The following STARD13 variants were observed in gnomAD, a reference collection of about 807,000 sequenced individuals.
STARD13 encodes the protein stAR-related lipid transfer protein 13.
A neutral mutation model predicts 106.4 loss-of-function variants in STARD13; 62 were observed. That is an observed-to-expected ratio of 0.58 (90% CI 0.48 to 0.72). The LOEUF (loss-of-function observed/expected upper bound fraction) is 0.72, where lower values mean the gene tolerates loss of function less well. STARD13 is among the 30% of genes least tolerant of loss of function. STARD13 has a pLI of 0.00. For synonymous variants in STARD13, 565 were observed against 553.0 expected (o/e 1.02, Z -0.31); for missense variants, 1,387 against 1,424.0 (o/e 0.97, Z 0.42).
At chr13:33,231,939 T>C (rs1475083451) in intron 1 of STARD13, among the ~76,000 whole-genome samples, 1 of 152,208 alleles carries the variant, frequency 6.6e-6, no homozygotes, top group Non-Finnish European at 1.5e-5. Flanking sequence ...AATGGCATAG[T>C]ATTTGCATGT....
chr13:33,630,523 T>C, the STARD13 span, among the ~76,000 whole-genome samples: 3,353 of 152,296 alleles, frequency 0.022, 118 homozygotes, highest in African/African-American at 0.074. Context: ...AGATTCAACG[T>C]AGTCACTCTG....
chr13:33,542,348 GT>G, the STARD13 span, among the ~76,000 whole-genome samples: 1 of 152,208 alleles, frequency 6.6e-6, no homozygotes, highest in Non-Finnish European at 1.5e-5. Flanking sequence ...TACAGATCCA[GT>G]TTTACCTCTT....
chr13:33,159,978 A>C (rs1207117760), intron 3 of STARD13, among the ~76,000 whole-genome samples: 3 of 152,214 alleles, frequency 2.0e-5, no homozygotes, highest in African/African-American at 7.2e-5. Flanking sequence ...AATATCAATA[A>C]ACTGTTTGTA....
chr13:33,518,728 C>T, the STARD13 span, among the ~76,000 whole-genome samples: 1 of 152,088 alleles, frequency 6.6e-6, no homozygotes, highest in Non-Finnish European at 1.5e-5. Context: ...TGTGTAATCA[C>T]TAAAGAACCT....
chr13:33,370,022 T>C, the STARD13 span, among the ~76,000 whole-genome samples: 1 of 152,240 alleles, frequency 6.6e-6, no homozygotes, highest in Non-Finnish European at 1.5e-5. Flanking sequence ...TTATCCTAGA[T>C]GTTTTCCAGT....
chr13:33,561,567 G>A, the STARD13 span, among the ~76,000 whole-genome samples: 3 of 151,352 alleles, frequency 2.0e-5, no homozygotes, highest in African/African-American at 7.4e-5. Flanking sequence ...TTAAAGATCT[G>A]TGCCAGTGTA....
At chr13:33,329,198 C>A (rs1822364634) in intron 1 of STARD13, among the ~76,000 whole-genome samples, 1 of 152,060 alleles carries the variant, frequency 6.6e-6, no homozygotes, top group African/African-American at 2.4e-5. Context: ...ACTATGTACC[C>A]CTAAAATCAT....
the STARD13 span, among the ~76,000 whole-genome samples, chr13:33,572,695 A>T: frequency 6.6e-6 from 1 of 152,174 alleles, no homozygotes; most frequent in Non-Finnish European, 1.5e-5. Context: ...GATTCAACCA[A>T]CCATAAAAAT....
At chr13:33,610,635 C>T in the STARD13 span, among the ~76,000 whole-genome samples, 1 of 152,238 alleles carries the variant, frequency 6.6e-6, no homozygotes, top group Non-Finnish European at 1.5e-5. Context: ...AGAGGTCAGC[C>T]TGGGGCCACC....
At chr13:33,213,557 G>A (rs1887847557) in intron 1 of STARD13, among the ~76,000 whole-genome samples, 1 of 152,202 alleles carries the variant, frequency 6.6e-6, no homozygotes, top group Non-Finnish European at 1.5e-5. Flanking sequence ...CTCTCTCGAG[G>A]TAGAGAAAGT....
At chr13:33,295,906 A>G (rs1487713115) in intron 1 of STARD13, among the ~76,000 whole-genome samples, 2 of 151,868 alleles carry the variant, frequency 1.3e-5, no homozygotes, top group African/African-American at 2.4e-5. Context: ...AATAAGACAG[A>G]TTAGTATTCA....
intron 3 of STARD13, among the ~76,000 whole-genome samples, chr13:33,163,688 TATATATATAACATATATATAAAAC>T (rs1385059802): frequency 8.4e-5 from 10 of 118,844 alleles, no homozygotes; most frequent in African/African-American, 3.6e-4. Flanking sequence ...ATAAAACATA[TATATATATAACATATATATAAAAC>T]ATATATATAA....
chr13:33,396,695 C>A, the STARD13 span, among the ~76,000 whole-genome samples: 1 of 152,192 alleles, frequency 6.6e-6, no homozygotes, highest in Admixed American at 6.5e-5. Context: ...ATATCTGATT[C>A]TACCATGTTG....
chr13:33,517,587 C>A, the STARD13 span, among the ~76,000 whole-genome samples: 1 of 151,988 alleles, frequency 6.6e-6, no homozygotes, highest in Non-Finnish European at 1.5e-5. Context: ...TCCTGATATT[C>A]AAGGGAGTGC....
At chr13:33,219,489 A>G (rs888304683) in intron 1 of STARD13, among the ~76,000 whole-genome samples, 6 of 131,748 alleles carry the variant, frequency 4.6e-5, no homozygotes, top group Non-Finnish European at 7.7e-5. Context: ...ACTGCACTCC[A>G]GCCTGGGCGA....
At chr13:33,440,826 G>A in the STARD13 span, among the ~76,000 whole-genome samples, 1 of 136,094 alleles carries the variant, frequency 7.3e-6, no homozygotes, top group Admixed American at 8.3e-5. Context: ...CCCAAGGCCA[G>A]GCTGGTCTCG....
At chr13:33,220,127 C>CT (rs1192805611) in intron 1 of STARD13, among the ~76,000 whole-genome samples, 1 of 152,148 alleles carries the variant, frequency 6.6e-6, no homozygotes, top group Non-Finnish European at 1.5e-5. Context: ...GGGTAGAGCA[C>CT]TGCTGGCACA....
chr13:33,455,273 TA>T, the STARD13 span, among the ~76,000 whole-genome samples: 1 of 152,216 alleles, frequency 6.6e-6, no homozygotes, highest in African/African-American at 2.4e-5. Context: ...AGTGTCACGA[TA>T]GTGGAAAGTC....
chr13:33,509,186 G>C, the STARD13 span, among the ~76,000 whole-genome samples: 1 of 151,994 alleles, frequency 6.6e-6, no homozygotes, highest in Non-Finnish European at 1.5e-5. Context: ...TACTTCTTTT[G>C]GCCTTCAGTA....
Sources: gnomAD v4.1 joint callset for allele counts (sites outside exome capture counted in the v4.1 genomes callset) on GRCh38, gnomAD v4.1.1 for gene constraint, MANE v1.5 for transcripts, NCBI Gene and HGNC (gene_info 2026-07-23, HGNC 2026-07-21) for gene names.